The following CLEC2D variants were observed in gnomAD, a reference collection of about 807,000 sequenced individuals.
CLEC2D encodes C-type lectin related f.
CLEC2D carries 16 observed loss-of-function variants against 20.0 expected under a neutral mutation model. The observed-to-expected ratio is 0.80, with a 90% CI of 0.54 to 1.22. The LOEUF (loss-of-function observed/expected upper bound fraction) is 1.22. Among genes scored for constraint, CLEC2D ranks in the 50% most tolerant of loss-of-function variants. The pLI is 0.00. For missense variants in CLEC2D, 207 were observed against 221.5 expected (o/e 0.93, Z 0.42); for synonymous variants, 77 against 71.1 (o/e 1.08, Z -0.42).
chr12:9,685,344 T>C (rs1280562850), intron 2 of CLEC2D, among the ~76,000 whole-genome samples: 1 of 152,190 alleles, frequency 6.6e-6, no homozygotes, highest in Non-Finnish European at 1.5e-5. Flanking sequence ...AGGCAGTCTT[T>C]CCCTCAGAAG....
At chr12:9,675,048 C>T (rs1463451415) in intron 1 of CLEC2D, among the ~76,000 whole-genome samples, 2 of 152,228 alleles carry the variant, frequency 1.3e-5, no homozygotes, top group Non-Finnish European at 1.5e-5. Context: ...TATTCAGCAT[C>T]GTTAGTTGAA....
At position 9,695,312 on chromosome 12, in the gene CLEC2D, G is replaced by T. The variant is rs765273577; in HGVS notation, c.*438G>T. 2 of 801,480 alleles carry T rather than the reference G, an allele frequency of 2.5e-6. No homozygotes were observed. The highest frequency in any genetic ancestry group is 1.7e-5 in the African/African-American group (1 of 59,390). 49.6% of individuals were successfully genotyped at this position (801,480 alleles called of 1,614,324 possible). Reference sequence around the variant, plus strand: ...TCCCTGGTGTGATTCCGTCCTGCGCGGCTGTTCTCTGGAGCAGCATTCATT... The same window carrying T: ...TCCCTGGTGTGATTCCGTCCTGCGCTGCTGTTCTCTGGAGCAGCATTCATT... On this transcript the variant is annotated 3_prime_UTR_variant, in exon 5 of 5. Transcript: ENST00000290855.
At chr12:9,688,272 A>T (rs1265755481) in intron 3 of CLEC2D, 186 bp downstream of exon 3, 12 of 1,135,020 alleles carry the variant, frequency 1.1e-5, no homozygotes, top group Non-Finnish European at 1.3e-5. Flanking sequence ...ATCTAAAATT[A>T]CCTTAATATT....
intron 2 of CLEC2D, among the ~76,000 whole-genome samples, chr12:9,683,449 T>C (rs138776825): frequency 4.6e-5 from 7 of 150,774 alleles, no homozygotes; most frequent in Non-Finnish European, 1.0e-4. Flanking sequence ...CCTTTGCCCA[T>C]GCCTGTGTCC....
chr12:9,685,718 G>A (rs1476642808), intron 2 of CLEC2D, among the ~76,000 whole-genome samples: 1 of 152,212 alleles, frequency 6.6e-6, no homozygotes, highest in Middle Eastern at 3.2e-3. Flanking sequence ...CCAAGCTTGA[G>A]CATCTGGGGT....
At chr12:9,692,669 A>G (rs1049354600) in intron 3 of CLEC2D, among the ~76,000 whole-genome samples, 159 bp from the exon 4 acceptor site, 4 of 152,270 alleles carry the variant, frequency 2.6e-5, no homozygotes, top group African/African-American at 7.2e-5. Context: ...TTTGATATGT[A>G]TGATAATATA....
intron 2 of CLEC2D, 95 bp downstream of exon 2, chr12:9,681,128 T>A: frequency 1.4e-6 from 1 of 705,112 alleles, no homozygotes; most frequent in Non-Finnish European, 2.3e-6. Flanking sequence ...TTACAGCTTT[T>A]AATATATTGT....
rs144516238 is a variant in CLEC2D, at chr12:9,695,843, T to TTTCTGC, written c.*970_*971insTCTGCT. The TTTCTGC allele has an allele frequency of 8.0e-6, 7 of 873,236 alleles. No individual in the cohort carries two copies. Among genetic ancestry groups the TTTCTGC allele is most frequent in the Non-Finnish European group, 1.3e-5 (7 of 536,490 alleles). 54.1% of individuals were successfully genotyped at this position (873,236 alleles called of 1,614,324 possible). A position where few individuals can be genotyped will look rare whatever the true frequency, so the allele number is the denominator to read the frequency against. On this transcript the variant is annotated 3_prime_UTR_variant, in exon 5 of 5. Transcript: ENST00000290855. ...GGAGGTGGGCAGAAAAAAGTAAAAC[T>TTTCTGC]TGCTGCTGCTGCTGATGATGATGAT...
intron 2 of CLEC2D, among the ~76,000 whole-genome samples, chr12:9,685,625 G>A (rs954906265): frequency 1.3e-5 from 2 of 152,236 alleles, no homozygotes; most frequent in East Asian, 1.9e-4. Flanking sequence ...CGCCCAGTCC[G>A]AACTTCCCCC....
chr12:9,685,579 T>G lies in CLEC2D; in HGVS notation c.173-2323T>G, dbSNP rs1234333562. On this transcript the variant is annotated intron_variant, in intron 2 of 4. Transcript: ENST00000290855. ...AGAGAGGCAGTCCGGCTGCAGTGGC[T>G]TTGCTGCACTGGCTTTGCTGCACTG... Among the ~76,000 whole-genome samples the G allele has an allele frequency of 5.3e-5, 8 of 152,136 alleles. No homozygotes were observed. The East Asian group carries it at 1.5e-3, about 29-fold the overall frequency.
At chr12:9,670,601 A>G (rs113745643) in intron 1 of CLEC2D, among the ~76,000 whole-genome samples, 18 of 152,270 alleles carry the variant, frequency 1.2e-4, no homozygotes, top group Middle Eastern at 6.8e-3. Context: ...TTCCCCATGG[A>G]AGTTGACATT....
Position 9,694,953 on chromosome 12 carries a change from ATTTC to A in CLEC2D, c.*82_*85del, listed in dbSNP as rs368851211. On this transcript the variant is annotated 3_prime_UTR_variant, in exon 5 of 5. Transcript: ENST00000290855. Reference sequence around the variant, plus strand: ...CCATTTTAAAATGAGCAAAGAATTTATTTCTTATACCAACAGGTATATGAAAATA... The same window carrying A: ...CCATTTTAAAATGAGCAAAGAATTTATTATACCAACAGGTATATGAAAATA... The A allele has an allele frequency of 1.6e-5, 12 of 743,740 alleles. No individual in the cohort carries two copies. Among genetic ancestry groups the A allele is most frequent in the African/African-American group, 7.0e-5 (4 of 57,450 alleles). 46.1% of individuals were successfully genotyped at this position (743,740 alleles called of 1,614,324 possible).
Position 9,697,136 on chromosome 12 carries a change from C to T in CLEC2D, c.*2262C>T, listed in dbSNP as rs1240381169. On this transcript the variant is annotated 3_prime_UTR_variant, in exon 5 of 5. Transcript: ENST00000290855. ...CCCCCAAAATCTGGCCATAAACTCACCCCAAAACTGGCCATAAACAAAATC... is the reference window on the plus strand; with the variant it reads ...CCCCCAAAATCTGGCCATAAACTCATCCCAAAACTGGCCATAAACAAAATC... The T allele has an allele frequency of 6.6e-6, 1 of 152,068 alleles. No individual in the cohort carries two copies. Among genetic ancestry groups the T allele is most frequent in the Non-Finnish European group, 1.5e-5 (1 of 68,022 alleles). The allele number at this position is 152,068 out of a possible 1,614,324, so 9.4% of individuals were successfully genotyped here. A position where few individuals can be genotyped will look rare whatever the true frequency, so the allele number is the denominator to read the frequency against.
intron 2 of CLEC2D, among the ~76,000 whole-genome samples, chr12:9,684,166 GCTCT>G (rs1172019012): frequency 3.3e-5 from 5 of 152,046 alleles, no homozygotes; most frequent in Admixed American, 1.3e-4. Flanking sequence ...TCATGATTTG[GCTCT>G]CTGTTTGTCT....
chr12:9,688,749 C>G (rs1233280946), intron 3 of CLEC2D, among the ~76,000 whole-genome samples: 1 of 151,994 alleles, frequency 6.6e-6, no homozygotes, highest in African/African-American at 2.4e-5. Context: ...ATAAGTCAAG[C>G]AAGAATGATG....
At chr12:9,688,409 A>C (rs1464480575) in intron 3 of CLEC2D, among the ~76,000 whole-genome samples, 1 of 152,198 alleles carries the variant, frequency 6.6e-6, no homozygotes, top group Non-Finnish European at 1.5e-5. Flanking sequence ...TGAAGTTAGC[A>C]ACATTGTTTC....
At chr12:9,682,092 C>G (rs1865647590) in intron 2 of CLEC2D, among the ~76,000 whole-genome samples, 1 of 151,924 alleles carries the variant, frequency 6.6e-6, no homozygotes, top group South Asian at 2.1e-4. Flanking sequence ...CTTTATTATC[C>G]ATTATGTGTT....
chr12:9,677,291 A>G (rs892875437), intron 1 of CLEC2D, among the ~76,000 whole-genome samples: 1 of 151,944 alleles, frequency 6.6e-6, no homozygotes, highest in African/African-American at 2.4e-5. Context: ...GCATCCCACA[A>G]ATTTTGTTAA....
Position 9,698,631 on chromosome 12 carries a change from C to T in CLEC2D, c.*3757C>T, listed in dbSNP as rs1866056748. 6.6e-6 allele frequency: 1 copy of T among 152,112 alleles called. No homozygotes were observed. Among genetic ancestry groups the T allele is most frequent in the African/African-American group, 2.4e-5 (1 of 41,436 alleles). The allele number at this position is 152,112 out of a possible 1,614,324, so 9.4% of individuals were successfully genotyped here. A position where few individuals can be genotyped will look rare whatever the true frequency, so the allele number is the denominator to read the frequency against. On this transcript the variant is annotated 3_prime_UTR_variant, in exon 5 of 5. Coordinates refer to ENST00000290855, the MANE Select transcript of CLEC2D (RefSeq NM_013269.6). ...TTGGATTTGACCTCAAAAGTAGATG[C>T]AACCACAGTGAAAATAAACAAATGA... is the stretch of plus-strand genomic sequence containing the variant.
Sources: gnomAD v4.1 joint callset for allele counts (sites outside exome capture counted in the v4.1 genomes callset) on GRCh38, gnomAD v4.1.1 for gene constraint, MANE v1.5 for transcripts, NCBI Gene and HGNC (gene_info 2026-07-23, HGNC 2026-07-21) for gene names.